Variants in NPAT observed in about 807,000 individuals in gnomAD.
NPAT encodes protein NPAT.
Under a neutral mutation model 130.7 loss-of-function variants are expected in NPAT, and 52 were observed. The observed-to-expected ratio is 0.40, with a 90% CI of 0.32 to 0.50. The LOEUF is 0.50. Ranked by LOEUF, NPAT falls within the 20% of genes least tolerant of loss-of-function variation. NPAT has a pLI of 0.68. For missense variants in NPAT, 1,687 were observed against 1,662.6 expected (o/e 1.01, Z -0.26); for synonymous variants, 580 against 584.8 (o/e 0.99, Z 0.12).
At chr11:108,190,538 G>T in intron 4 of NPAT, 38 bp from the exon 5 acceptor site, 1 of 1,582,002 alleles carries the variant, frequency 6.3e-7, no homozygotes, top group Non-Finnish European at 8.7e-7. Flanking sequence ...ATCAAAAAAT[G>T]TTTGTTGCTG....
chr11:108,173,534 C>T lies in NPAT; in HGVS notation c.1450G>A (p.Gly484Arg), dbSNP rs751679348. Reference protein sequence around the residue: ...QMSTETEMAIGIEKNSLSSNV... With the variant: ...QMSTETEMAIRIEKNSLSSNV... Reference sequence around the variant, plus strand: ...GAAGACAAAGAGTTCTTTTCAATCCCTATAGCCATTTCAGTTTCAGTGGAC... The same window carrying T: ...GAAGACAAAGAGTTCTTTTCAATCCTTATAGCCATTTCAGTTTCAGTGGAC... The change falls in exon 13 of 18, where the codon GGG becomes AGG. Residue 484 changes from glycine to arginine, a missense_variant. Around this residue, in one of 3 missense-constraint regions of NPAT, gnomAD observed 1,379 missense variants for 1,346.6 expected, o/e 1.02. Coordinates refer to ENST00000278612, the MANE Select transcript of NPAT (RefSeq NM_002519.3). 1.9e-6 allele frequency: 3 copies of T among 1,614,038 alleles called. No homozygotes were observed. Among genetic ancestry groups the T allele is most frequent in the Non-Finnish European group, 1.7e-6 (2 of 1,180,032 alleles).
At chr11:108,169,546 C>T (rs542142632) in intron 15 of NPAT, among the ~76,000 whole-genome samples, 198 bp downstream of exon 15, 1 of 152,254 alleles carries the variant, frequency 6.6e-6, no homozygotes, top group African/African-American at 2.4e-5. Context: ...CTAACAGATT[C>T]AACAAAGGAG....
chr11:108,212,098 A>G (rs1001145630), intron 1 of NPAT, among the ~76,000 whole-genome samples: 1 of 151,998 alleles, frequency 6.6e-6, no homozygotes, highest in African/African-American at 2.4e-5. Flanking sequence ...GCCAAGTAAC[A>G]TCATCTTCAA....
At chr11:108,211,344 C>T (rs533145717) in intron 1 of NPAT, among the ~76,000 whole-genome samples, 1 of 125,734 alleles carries the variant, frequency 8.0e-6, no homozygotes, top group African/African-American at 3.1e-5. Context: ...GAGTTCCAGA[C>T]CAGCCTGGGC....
intron 10 of NPAT, among the ~76,000 whole-genome samples, chr11:108,180,732 A>G (rs1055877206): frequency 1.3e-5 from 2 of 152,218 alleles, no homozygotes; most frequent in African/African-American, 2.4e-5. Flanking sequence ...AGGATCTCAA[A>G]GACGTATTTG....
chr11:108,181,459 T>C (rs1027287464), intron 10 of NPAT, among the ~76,000 whole-genome samples: 2 of 125,320 alleles, frequency 1.6e-5, no homozygotes, highest in African/African-American at 2.6e-5. Context: ...AGCGAGACTC[T>C]GTCTCAAAAA....
intron 15 of NPAT, among the ~76,000 whole-genome samples, chr11:108,166,834 T>C (rs1436273287): frequency 6.6e-6 from 1 of 152,232 alleles, no homozygotes; most frequent in African/African-American, 2.4e-5. Flanking sequence ...TAAGGAAAAT[T>C]ACATTGAATT....
chr11:108,210,048 C>A, intron 1 of NPAT, among the ~76,000 whole-genome samples: 1 of 148,928 alleles, frequency 6.7e-6, no homozygotes, highest in East Asian at 2.0e-4. Context: ...AAAACGTCAA[C>A]AATGTTGACA....
intron 15 of NPAT, among the ~76,000 whole-genome samples, chr11:108,164,918 G>A (rs1203233516): frequency 6.6e-6 from 1 of 152,166 alleles, no homozygotes; most frequent in Non-Finnish European, 1.5e-5. Flanking sequence ...GGCTGAGGCA[G>A]AAGAATTGCT....
intron 1 of NPAT, among the ~76,000 whole-genome samples, chr11:108,200,267 C>A (rs947001348): frequency 3.9e-5 from 6 of 152,206 alleles, no homozygotes; most frequent in South Asian, 4.1e-4. Context: ...TTAGGCCAGG[C>A]CTCCCCTTCC....
Position 108,173,525 on chromosome 11 carries a change from T to C in NPAT, c.1459A>G (p.Lys487Glu), listed in dbSNP as rs762697186. The C allele has an allele frequency of 6.2e-7, 1 of 1,614,194 alleles. No individual in the cohort carries two copies. Residue 487 changes from lysine to glutamate, a missense_variant, in exon 13 of 18, where the codon AAG becomes GAG. Physicochemically the swap from Lys to Glu is moderately conservative, Grantham distance 56 (BLOSUM62 1). Coordinates refer to ENST00000278612, the MANE Select transcript of NPAT (RefSeq NM_002519.3). ...GGTACATTTGAAGACAAAGAGTTCT[T>C]TTCAATCCCTATAGCCATTTCAGTT... ...TETEMAIGIE[K>E]NSLSSNVPSE...
In NPAT at chr11:108,199,595, C is replaced by A. The variant is rs591654; in HGVS notation, c.38-2175G>T. 1.4e-4 allele frequency among the ~76,000 whole-genome samples: 21 copies of A among 152,282 alleles called. No individual in the cohort carries two copies. In the South Asian group the frequency reaches 3.7e-3, roughly 27 times the overall value. ...TCCAAAAACGGATGAAGCACTGGGC[C>A]TCTGTCAGCCAGTTAAGAGCGAATG... is the stretch of plus-strand genomic sequence containing the variant. On this transcript the variant is annotated intron_variant, in intron 1 of 17. Transcript: ENST00000278612.
At chr11:108,199,924 T>C (rs556815643) in intron 1 of NPAT, among the ~76,000 whole-genome samples, 5 of 152,304 alleles carry the variant, frequency 3.3e-5, no homozygotes, top group East Asian at 1.9e-4. Flanking sequence ...CTCTTCTTCA[T>C]ACACAACGTT....
chr11:108,197,278 T>A (rs192722900), intron 2 of NPAT, 24 bp downstream of exon 2: 1 of 1,378,164 alleles, frequency 7.3e-7, no homozygotes, highest in Admixed American at 1.7e-5. Flanking sequence ...ATGAAATATT[T>A]CCCTTAAGGA....
chr11:108,178,808 A>G (rs942109677), intron 10 of NPAT, among the ~76,000 whole-genome samples: 7 of 152,222 alleles, frequency 4.6e-5, no homozygotes, highest in African/African-American at 1.7e-4. Context: ...CAATGAACCA[A>G]GATGGTGCCA....
At chr11:108,216,264 A>G (rs1226654821) in intron 1 of NPAT, among the ~76,000 whole-genome samples, 1 of 152,124 alleles carries the variant, frequency 6.6e-6, no homozygotes, top group Non-Finnish European at 1.5e-5. Context: ...AGACGGTGGT[A>G]TTAAAATCTA....
chr11:108,196,690 G>T (rs1276775445), intron 2 of NPAT, among the ~76,000 whole-genome samples: 2 of 152,106 alleles, frequency 1.3e-5, no homozygotes, highest in Admixed American at 1.3e-4. Flanking sequence ...TTATAAACGG[G>T]TATTTTCAAA....
At chr11:108,218,191 T>C (rs1228124919) in intron 1 of NPAT, among the ~76,000 whole-genome samples, 1 of 152,214 alleles carries the variant, frequency 6.6e-6, no homozygotes, top group Non-Finnish European at 1.5e-5. Flanking sequence ...TAAGAAAGTA[T>C]GCCTGAGTTT....
At chr11:108,179,431 C>G (rs937405656) in intron 10 of NPAT, among the ~76,000 whole-genome samples, 2 of 152,104 alleles carry the variant, frequency 1.3e-5, no homozygotes, top group African/African-American at 4.8e-5. Context: ...CCACACCCAG[C>G]TAATTTTGGT....
Sources: gnomAD v4.1 joint callset for allele counts (sites outside exome capture counted in the v4.1 genomes callset) on GRCh38, gnomAD v4.1.1 for gene constraint, gnomAD v4.1.1 regional missense constraint, MANE v1.5 for transcripts, NCBI Gene and HGNC (gene_info 2026-07-23, HGNC 2026-07-21) for gene names.